The following HDAC4 variants were observed in gnomAD, a reference collection of about 807,000 sequenced individuals.
HDAC4 encodes the protein histone deacetylase 4.
Under a neutral mutation model 135.1 loss-of-function variants are expected in HDAC4, and 16 were observed. The ratio of observed to expected loss-of-function variants is 0.12; its 90% confidence interval spans 0.08 to 0.18. The LOEUF (loss-of-function observed/expected upper bound fraction) is 0.18, where lower values mean the gene tolerates loss of function less well. Among genes scored for constraint, HDAC4 ranks in the 10% least tolerant of loss-of-function variants. HDAC4 has a pLI of 1.00. For synonymous variants in HDAC4, 685 were observed against 653.4 expected (o/e 1.05, Z -0.74); for missense variants, 1,143 against 1,511.8 (o/e 0.76, Z 4.05).
intron 2 of HDAC4, among the ~76,000 whole-genome samples, chr2:239,275,857 A>G (rs2050328804): frequency 6.6e-6 from 1 of 152,174 alleles, no homozygotes; most frequent in Non-Finnish European, 1.5e-5. Flanking sequence ...TCATGGTGCC[A>G]CGTGCCACCC....
chr2:239,390,963 A>G (rs1462980738), intron 1 of HDAC4, among the ~76,000 whole-genome samples: 1 of 152,220 alleles, frequency 6.6e-6, no homozygotes, highest in Non-Finnish European at 1.5e-5. Context: ...GCACAGCCAC[A>G]GTCTCAGGGC....
intron 3 of HDAC4, among the ~76,000 whole-genome samples, chr2:239,193,105 C>A (rs2045112378): frequency 6.6e-6 from 1 of 152,206 alleles, no homozygotes; most frequent in Admixed American, 6.5e-5. Flanking sequence ...CGTCTCGCCT[C>A]ATTTATCCCT....
At chr2:239,126,102 C>T (rs532876803) in intron 12 of HDAC4, among the ~76,000 whole-genome samples, 3 of 152,366 alleles carry the variant, frequency 2.0e-5, no homozygotes, top group East Asian at 1.9e-4. Context: ...CTATTCCATT[C>T]GCTGGCACTG....
chr2:239,231,618 ATG>A (rs2047563720), intron 3 of HDAC4, among the ~76,000 whole-genome samples: 1 of 125,212 alleles, frequency 8.0e-6, no homozygotes, highest in Non-Finnish European at 1.6e-5. Context: ...TTGCTCCCGG[ATG>A]CCTGAGGTAG....
At chr2:239,297,663 C>G (rs950617405) in intron 2 of HDAC4, among the ~76,000 whole-genome samples, 1 of 152,220 alleles carries the variant, frequency 6.6e-6, no homozygotes, top group African/African-American at 2.4e-5. Context: ...GCGCCCATCA[C>G]AGTGCCAAGG....
intron 2 of HDAC4, among the ~76,000 whole-genome samples, chr2:239,263,939 T>A (rs2049545208): frequency 6.6e-6 from 1 of 151,906 alleles, no homozygotes; most frequent in Non-Finnish European, 1.5e-5. Flanking sequence ...TGGCCACTGC[T>A]CCCCTCAGTC....
intron 2 of HDAC4, among the ~76,000 whole-genome samples, chr2:239,318,685 T>TTA (rs2053201101): frequency 2.0e-5 from 2 of 101,436 alleles, no homozygotes; most frequent in African/African-American, 6.3e-5. Context: ...CAAACGATTC[T>TTA]GAAAAAAAAA....
intron 2 of HDAC4, among the ~76,000 whole-genome samples, chr2:239,242,333 AATCCATGAACATGGGCTAT>A (rs1440448440): frequency 6.6e-6 from 1 of 152,162 alleles, no homozygotes; most frequent in Non-Finnish European, 1.5e-5. Context: ...TGCATCTTTC[AATCCATGAACATGGGCTAT>A]TACCTCCTTT....
chr2:239,203,901 T>C (rs745899211), intron 3 of HDAC4, among the ~76,000 whole-genome samples: 1 of 152,068 alleles, frequency 6.6e-6, no homozygotes, highest in Non-Finnish European at 1.5e-5. Flanking sequence ...ACCAAGAAAA[T>C]AGGAGCTGAT....
chr2:239,190,708 G>A (rs540523463), intron 3 of HDAC4, among the ~76,000 whole-genome samples: 23 of 152,280 alleles, frequency 1.5e-4, no homozygotes, highest in Admixed American at 7.2e-4. Context: ...GCACAAGTGC[G>A]TTCCTCTGGG....
chr2:239,087,663 T>G (rs1352136244), intron 18 of HDAC4, 49 bp from the exon 19 acceptor site: 2 of 1,572,246 alleles, frequency 1.3e-6, no homozygotes, highest in East Asian at 4.5e-5. Flanking sequence ...AGACACACTT[T>G]GTAGCCACGG....
chr2:239,168,730 A>G (rs2043268096), intron 5 of HDAC4, among the ~76,000 whole-genome samples: 2 of 152,228 alleles, frequency 1.3e-5, no homozygotes, highest in South Asian at 4.1e-4. Flanking sequence ...CGCTTACATA[A>G]GAGCCCCCGA....
chr2:239,197,847 T>TTGTGTGTGCGTGTGTGTGTG (rs1553553324), intron 3 of HDAC4, among the ~76,000 whole-genome samples: 11 of 140,216 alleles, frequency 7.8e-5, no homozygotes, highest in African/African-American at 3.0e-4. Context: ...CACTAAAAGT[T>TTGTGTGTGCGTGTGTGTGTG]TGTGTGTGTG....
At chr2:239,100,444 T>C (rs1045492875) in intron 16 of HDAC4, among the ~76,000 whole-genome samples, 3 of 152,238 alleles carry the variant, frequency 2.0e-5, no homozygotes, top group African/African-American at 7.2e-5. Flanking sequence ...CCACTGAACT[T>C]GTCCACGTTA....
At chr2:239,191,748 A>G (rs1380203482) in intron 3 of HDAC4, among the ~76,000 whole-genome samples, 2 of 152,092 alleles carry the variant, frequency 1.3e-5, no homozygotes, top group Admixed American at 1.3e-4. Flanking sequence ...ACCGCAGTCA[A>G]TCATGCTCCT....
At chr2:239,187,609 A>G (rs1559198796) in intron 4 of HDAC4, among the ~76,000 whole-genome samples, 1 of 152,204 alleles carries the variant, frequency 6.6e-6, no homozygotes, top group Non-Finnish European at 1.5e-5. Context: ...GCCCATGGTC[A>G]GGGCCGTGAG....
rs149824763 is a variant in HDAC4, at chr2:239,126,657, G to C, written c.1332C>G (p.His444Gln). The C allele has an allele frequency of 1.9e-6, 3 of 1,613,828 alleles. No homozygotes were observed. In the East Asian group the frequency reaches 6.7e-5, roughly 36 times the overall value. The change falls in exon 12 of 27, where the codon CAC becomes CAG. Residue 444 changes from histidine (H) to glutamine (Q), a missense_variant. By Grantham distance (24) the His-to-Gln change is conservative. Coordinates refer to ENST00000543185, the MANE Select transcript of HDAC4 (RefSeq NM_001378414.1). ...YLSGLGALPLHAQSLVGADRV... is the reference protein window; with the variant it reads ...YLSGLGALPLQAQSLVGADRV... Reference sequence around the variant, plus strand: ...GGTCTGCACCAACCAAGGACTGTGCGTGGAGGGGCAGTGCTCCCAGGCCTG... The same window carrying C: ...GGTCTGCACCAACCAAGGACTGTGCCTGGAGGGGCAGTGCTCCCAGGCCTG...
At chr2:239,296,626 G>C (rs1288977790) in intron 2 of HDAC4, among the ~76,000 whole-genome samples, 10 of 152,124 alleles carry the variant, frequency 6.6e-5, no homozygotes, top group African/African-American at 2.4e-4. Context: ...AATCATTTCT[G>C]GATCTTTTTC....
At chr2:239,082,771 G>A (rs893119007) in intron 20 of HDAC4, among the ~76,000 whole-genome samples, 2 of 152,258 alleles carry the variant, frequency 1.3e-5, no homozygotes, top group Admixed American at 6.5e-5. Context: ...GTGCCCAAAT[G>A]GCAAGCACCG....
Sources: gnomAD v4.1 joint callset for allele counts (sites outside exome capture counted in the v4.1 genomes callset) on GRCh38, gnomAD v4.1.1 for gene constraint, MANE v1.5 for transcripts, NCBI Gene and HGNC (gene_info 2026-07-23, HGNC 2026-07-21) for gene names.